AIFM1: variants seen among roughly 807,000 people sequenced by gnomAD.
The protein encoded by AIFM1 is apoptosis inducing factor mitochondria associated 1.
AIFM1 carries 3 observed loss-of-function variants against 51.7 expected under a neutral mutation model. That is an observed-to-expected ratio of 0.06 (90% CI 0.03 to 0.15). The LOEUF is 0.15. Among genes scored for constraint, AIFM1 ranks in the 10% least tolerant of loss-of-function variants. The pLI, the probability that AIFM1 is intolerant of heterozygous loss-of-function variation, is 1.00. For missense variants in AIFM1, 330 were observed against 476.8 expected (o/e 0.69, Z 2.87); for synonymous variants, 178 against 179.4 (o/e 0.99, Z 0.06).
At chrX:130,142,128 T>A (rs1209105942) in intron 6 of AIFM1, among the ~76,000 whole-genome samples, 1 of 111,983 alleles carries the variant, frequency 8.9e-6, no homozygotes, top group Non-Finnish European at 1.9e-5. Flanking sequence ...TTTCAGAGTT[T>A]AGTGGCCAAG....
chrX:130,156,688 C>T lies in AIFM1; in HGVS notation c.107-85G>A, dbSNP rs1334463111. The T allele has an allele frequency of 2.9e-6, 3 of 1,021,425 alleles. No homozygotes were observed. In the African/African-American group the frequency reaches 5.6e-5, roughly 19 times the overall value. 84.2% of individuals were successfully genotyped at this position (1,021,425 alleles called of 1,213,427 possible). ...TATGATTAAATGTCAATGCACTGTA[C>T]AAGACTTATTGCCCACAGATATTCA... is the stretch of plus-strand genomic sequence containing the variant. On this transcript the variant is annotated intron_variant, in intron 1 of 15. Coordinates refer to ENST00000287295, the MANE Select transcript of AIFM1 (RefSeq NM_004208.4).
Position 130,160,883 on chromosome X carries a change from AAAAT to A in AIFM1, c.107-4284_107-4281del, listed in dbSNP as rs754564979. On this transcript the variant is annotated intron_variant, in intron 1 of 15. Transcript: ENST00000287295. ...CATGGTGAAACCCCGTCTCTACTTA[AAAAT>A]AAATAAATAAATAAATAAATAAATA... Among the ~76,000 whole-genome samples, 1,066 of 107,066 alleles carry A rather than the reference AAAAT, an allele frequency of 1.0e-2. 16 individuals carry two copies. The highest frequency in any genetic ancestry group is 0.034 in the African/African-American group (987 of 28,927). 93.0% of individuals were successfully genotyped at this position (107,066 alleles called of 115,157 possible).
chrX:130,153,754 G>C (rs1302008456), intron 2 of AIFM1, among the ~76,000 whole-genome samples: 1 of 111,522 alleles, frequency 9.0e-6, no homozygotes, highest in Admixed American at 9.5e-5. Flanking sequence ...GACACAGCAA[G>C]AGGGTAGGCT....
rs376209388 is a variant in AIFM1, at chrX:130,149,560, C to A, written c.258G>T (p.Lys86Asn). 6 of 1,194,545 alleles carry A rather than the reference C, an allele frequency of 5.0e-6. No individual in the cohort carries two copies. The African/African-American group carries it at 1.1e-4, about 21-fold the overall frequency. ...ATCTTTTTTCATCCTCTTTCATAGT[C>A]TTGTAGGCCTGCGGATCCAAACATG... ...STVGAGAYAY[K>N]TMKEDEKRYN... The change falls in exon 3 of 16, where the codon AAG (lysine) becomes AAT (asparagine). Residue 86 changes from lysine to asparagine, a missense_variant. Around this residue, in one of 4 missense-constraint regions of AIFM1, gnomAD observed 110 missense variants for 103.1 expected, o/e 1.07. Transcript: ENST00000287295.
intron 2 of AIFM1, among the ~76,000 whole-genome samples, chrX:130,152,055 C>CA (rs373487692): frequency 2.1e-5 from 2 of 93,876 alleles, no homozygotes; most frequent in African/African-American, 7.9e-5. Context: ...AAAAACACAA[C>CA]AAAAAAAACC....
chrX:130,133,303 C>T lies in AIFM1; in HGVS notation c.1448+10G>A. 1 of 1,210,750 alleles carries T rather than the reference C, an allele frequency of 8.3e-7. No individual in the cohort carries two copies. The highest frequency in any genetic ancestry group is 1.1e-6 in the Non-Finnish European group (1 of 895,103). ...TAATCAGTTGGGTCTCCAAGGCACA[C>T]CACTATTACCAGAACATTGACTGAT... On this transcript the variant is annotated intron_variant, in intron 13 of 15. Coordinates refer to ENST00000287295, the MANE Select transcript of AIFM1 (RefSeq NM_004208.4).
rs542234228 is a variant in AIFM1, at chrX:130,141,688, C to T, written c.697-1071G>A. 2.5e-4 allele frequency among the ~76,000 whole-genome samples: 28 copies of T among 111,457 alleles called. No individual in the cohort carries two copies. The Middle Eastern group carries it at 0.018, about 73-fold the overall frequency. ...ACATCAGAGGAGTCCTATATTCCTA[C>T]GAATCACTGTTTTGAGCCACCTCCT... On this transcript the variant is annotated intron_variant, in intron 6 of 15. Transcript: ENST00000287295.
intron 13 of AIFM1, among the ~76,000 whole-genome samples, chrX:130,132,603 ATG>A (rs1486245309): frequency 1.2e-4 from 14 of 112,323 alleles, no homozygotes; most frequent in African/African-American, 4.5e-4. Flanking sequence ...AGCTCTTGCT[ATG>A]TTGTCCAGGT....
chrX:130,137,295 C>G, intron 9 of AIFM1, 110 bp from the exon 10 acceptor site: 2 of 1,195,174 alleles, frequency 1.7e-6, no homozygotes, highest in South Asian at 1.8e-5. Context: ...CAGGGCAGAG[C>G]TGCAATCCAG....
chrX:130,161,509 T>G (rs184925660), intron 1 of AIFM1, among the ~76,000 whole-genome samples: 847 of 67,349 alleles, frequency 0.013, 8 homozygotes, highest in African/African-American at 0.057. Flanking sequence ...AGACTCTGTT[T>G]GAAGAAAAAA....
At chrX:130,132,959 C>A (rs1407006328) in intron 13 of AIFM1, among the ~76,000 whole-genome samples, 2 of 110,867 alleles carry the variant, frequency 1.8e-5, no homozygotes, top group Non-Finnish European at 3.8e-5. Flanking sequence ...GTTGGTCAGG[C>A]TGGTCTCAAA....
At chrX:130,159,212 G>C (rs1226261457) in intron 1 of AIFM1, among the ~76,000 whole-genome samples, 1 of 111,333 alleles carries the variant, frequency 9.0e-6, no homozygotes, top group African/African-American at 3.3e-5. Context: ...AAACTTGATA[G>C]TCTTAAATTT....
chrX:130,151,480 A>G (rs1296636131), intron 2 of AIFM1, among the ~76,000 whole-genome samples: 1 of 111,728 alleles, frequency 9.0e-6, no homozygotes, highest in Non-Finnish European at 1.9e-5. Context: ...ACTTCCTTCC[A>G]GAACAGCCCA....
intron 9 of AIFM1, 37 bp from the exon 10 acceptor site, chrX:130,137,222 A>C (rs1301185589): frequency 8.3e-7 from 1 of 1,208,302 alleles, no homozygotes; most frequent in African/African-American, 1.8e-5. Flanking sequence ...AGCAGGAAGC[A>C]AAAGTCAATC....
chrX:130,141,814 T>A (rs1194687968), intron 6 of AIFM1, among the ~76,000 whole-genome samples: 1 of 112,059 alleles, frequency 8.9e-6, no homozygotes, highest in African/African-American at 3.2e-5. Context: ...TTATTCTACT[T>A]GTTGGTCACA....
At chrX:130,153,352 C>CAAAAAA (rs35771131) in intron 2 of AIFM1, among the ~76,000 whole-genome samples, 1 of 42,860 alleles carries the variant, frequency 2.3e-5, no homozygotes, top group Non-Finnish European at 4.0e-5. Context: ...GACTCCGTTT[C>CAAAAAA]AAAAAAAAAA....
chrX:130,144,443 T>A (rs967262911), intron 6 of AIFM1, among the ~76,000 whole-genome samples: 1 of 112,279 alleles, frequency 8.9e-6, no homozygotes, highest in African/African-American at 3.2e-5. Flanking sequence ...TCCTAACTTG[T>A]ACCTAACTGC....
chrX:130,139,805 A>G lies in AIFM1; in HGVS notation c.848T>C (p.Leu283Pro). The stretch of plus-strand genomic sequence containing the variant: ...AAAGCAGACAATTACCTTTCTGAAA[A>G]GCGTTGTTCTACTCTTCACCTCTGC... ...AGAEVKSRTTLFRKIGDFRSL... is the reference protein window; with the variant it reads ...AGAEVKSRTTPFRKIGDFRSL... Residue 283 changes from leucine to proline, a missense_variant, in exon 8 of 16, where the codon CTT becomes CCT. Coordinates refer to ENST00000287295, the MANE Select transcript of AIFM1 (RefSeq NM_004208.4). 8.3e-7 allele frequency: 1 copy of G among 1,210,290 alleles called. No individual in the cohort carries two copies. The highest frequency in any genetic ancestry group is 1.1e-6 in the Non-Finnish European group (1 of 894,165).
intron 6 of AIFM1, among the ~76,000 whole-genome samples, chrX:130,144,856 T>G (rs991518394): frequency 1.8e-5 from 2 of 112,613 alleles, no homozygotes; most frequent in Admixed American, 9.4e-5. Flanking sequence ...CTCTGTCTAA[T>G]GTCCCCTTAC....
Sources: allele counts gnomAD v4.1 joint callset (sites outside exome capture counted in the v4.1 genomes callset), GRCh38; gene constraint gnomAD v4.1.1; regional missense constraint gnomAD v4.1.1; transcripts MANE v1.5; gene names NCBI Gene and HGNC (gene_info 2026-07-23, HGNC 2026-07-21).